TMEM236: variants seen among roughly 807,000 people sequenced by gnomAD.
The protein encoded by TMEM236 is transmembrane protein 236, also known as family with sequence similarity 23, member A.
A neutral mutation model predicts 14.7 loss-of-function variants in TMEM236; 11 were observed. That is an observed-to-expected ratio of 0.75 (90% confidence interval 0.47 to 1.24). The LOEUF is 1.24. Ranked by LOEUF, TMEM236 falls within the 50% of genes most tolerant of loss-of-function variation. TMEM236 has a pLI of 0.00. For synonymous variants in TMEM236, 182 were observed against 168.6 expected (o/e 1.08, Z -0.62); for missense variants, 464 against 427.3 (o/e 1.09, Z -0.76).
intron 3 of TMEM236, among the ~76,000 whole-genome samples, chr10:17,781,291 T>A (rs1367933895): frequency 6.6e-6 from 1 of 152,230 alleles, no homozygotes; most frequent in Non-Finnish European, 1.5e-5. Context: ...AAATAATTTC[T>A]TCTTAACTCC....
intron 1 of TMEM236, among the ~76,000 whole-genome samples, chr10:17,766,101 T>G (rs1170647417): frequency 6.6e-6 from 1 of 152,236 alleles, no homozygotes; most frequent in African/African-American, 2.4e-5. Flanking sequence ...ATGGATAGCC[T>G]GAGAATTTGT....
At chr10:17,767,037 G>T (rs1271618881) in intron 1 of TMEM236, among the ~76,000 whole-genome samples, 2 of 152,084 alleles carry the variant, frequency 1.3e-5, no homozygotes, top group African/African-American at 4.8e-5. Flanking sequence ...CCACCTTAAT[G>T]ATCTTATTTA....
At chr10:17,782,609 G>C (rs1025476294) in intron 3 of TMEM236, among the ~76,000 whole-genome samples, 1 of 152,006 alleles carries the variant, frequency 6.6e-6, no homozygotes, top group African/African-American at 2.4e-5. Flanking sequence ...GCACCACCAC[G>C]TCCCTCTAAT....
chr10:17,782,577 G>A (rs1051224697), intron 3 of TMEM236, among the ~76,000 whole-genome samples: 7 of 151,904 alleles, frequency 4.6e-5, no homozygotes, highest in Admixed American at 2.0e-4. Context: ...TCAGCCTCCC[G>A]AGTAGCTGGG....
At chr10:17,790,052 C>A (rs1027534568) in intron 3 of TMEM236, among the ~76,000 whole-genome samples, 6 of 151,612 alleles carry the variant, frequency 4.0e-5, no homozygotes, top group Admixed American at 1.3e-4. Context: ...AACAAAAAAA[C>A]AAAAAACGAA....
At chr10:17,788,197 A>G (rs973821624) in intron 3 of TMEM236, among the ~76,000 whole-genome samples, 8 of 150,738 alleles carry the variant, frequency 5.3e-5, no homozygotes, top group Admixed American at 5.3e-4. Flanking sequence ...ATATATCATT[A>G]TAAGTAACAT....
intron 1 of TMEM236, among the ~76,000 whole-genome samples, chr10:17,762,284 C>G (rs1206518108): frequency 1.3e-5 from 2 of 152,046 alleles, no homozygotes; most frequent in South Asian, 4.1e-4. Flanking sequence ...CCATTCCTAT[C>G]CCATGATTTC....
At chr10:17,795,117 A>T (rs1329651691) in intron 3 of TMEM236, among the ~76,000 whole-genome samples, 1 of 152,182 alleles carries the variant, frequency 6.6e-6, no homozygotes, top group Non-Finnish European at 1.5e-5. Flanking sequence ...AATCTCTGTA[A>T]GCCTCTTCTT....
intron 3 of TMEM236, among the ~76,000 whole-genome samples, chr10:17,776,513 A>C (rs905862982): frequency 6.6e-6 from 1 of 152,246 alleles, no homozygotes; most frequent in Admixed American, 6.5e-5. Context: ...CTTATGTTTA[A>C]ATGGATTAAT....
intron 1 of TMEM236, among the ~76,000 whole-genome samples, chr10:17,770,477 G>A (rs1182604547): frequency 1.3e-5 from 2 of 152,038 alleles, no homozygotes; most frequent in Admixed American, 6.6e-5. Context: ...TCTGCCTCCC[G>A]GGTTCACGCC....
chr10:17,768,729 G>C (rs1279113529), intron 1 of TMEM236, among the ~76,000 whole-genome samples: 1 of 130,776 alleles, frequency 7.6e-6, no homozygotes, highest in African/African-American at 3.7e-5. Flanking sequence ...TACAACTCAT[G>C]TGTGTGTGTG....
rs1837628979 is a variant in TMEM236 at position 17,774,645 on chromosome 10, T to C, written c.331-1384T>C. 6.6e-5 allele frequency among the ~76,000 whole-genome samples: 10 copies of C among 152,186 alleles called. No homozygotes were observed. In the South Asian group the frequency reaches 2.1e-3, roughly 32 times the overall value. On this transcript the variant is annotated intron_variant, in intron 2 of 3. Transcript: ENST00000377495. ...CAGAAGAGTAAATCTTCCTAGCTTA[T>C]TCTTTTTCTTCCAGAATTTCCTGCC... is the stretch of plus-strand genomic sequence containing the variant.
intron 1 of TMEM236, among the ~76,000 whole-genome samples, chr10:17,770,604 C>T (rs1837554391): frequency 6.6e-6 from 1 of 152,114 alleles, no homozygotes; most frequent in Admixed American, 6.5e-5. Flanking sequence ...AGGATGGTCT[C>T]GATCTCCTGA....
chr10:17,771,222 GAACAGGAACTGC>G (rs1837566115), intron 1 of TMEM236, 75 bp from the exon 2 acceptor site: 1 of 1,203,660 alleles, frequency 8.3e-7, no homozygotes, highest in African/African-American at 1.5e-5. Flanking sequence ...TAGATGAATG[GAACAGGAACTGC>G]AAAATTAGCA....
intron 3 of TMEM236, among the ~76,000 whole-genome samples, chr10:17,791,428 G>A (rs1024754800): frequency 2.8e-4 from 42 of 152,186 alleles, no homozygotes; most frequent in African/African-American, 9.6e-4. Flanking sequence ...ACTGTACTCC[G>A]GTCTGGGCAA....
At chr10:17,762,603 A>C (rs1161153154) in intron 1 of TMEM236, among the ~76,000 whole-genome samples, 1 of 79,080 alleles carries the variant, frequency 1.3e-5, no homozygotes, top group African/African-American at 9.0e-5. Context: ...ATATATATAT[A>C]TATATATATA....
intron 1 of TMEM236, among the ~76,000 whole-genome samples, chr10:17,753,710 C>A (rs1051864240): frequency 6.6e-6 from 1 of 152,244 alleles, no homozygotes; most frequent in Admixed American, 6.5e-5. Context: ...AACGAACATA[C>A]GGGTGCATGT....
At chr10:17,776,961 A>G (rs1180805804) in intron 3 of TMEM236, among the ~76,000 whole-genome samples, 3 of 152,090 alleles carry the variant, frequency 2.0e-5, no homozygotes, top group African/African-American at 7.2e-5. Context: ...AATTGGCAAT[A>G]TTTGTATGCT....
rs923063775 is a variant in TMEM236, at chr10:17,772,230, C to T, written c.330+849C>T. On this transcript the variant is annotated intron_variant, in intron 2 of 3. Coordinates refer to ENST00000377495, the MANE Select transcript of TMEM236 (RefSeq NM_001098844.3). ...CAAGTGTTGTGAGACAGGGCAGTAC[C>T]GAGTAATGTATGACATTAGAAATTA... 4.6e-5 allele frequency among the ~76,000 whole-genome samples: 7 copies of T among 152,180 alleles called. No homozygotes were observed. The South Asian group carries it at 8.3e-4, about 18-fold the overall frequency.
Sources: allele counts gnomAD v4.1 joint callset (sites outside exome capture counted in the v4.1 genomes callset), GRCh38; gene constraint gnomAD v4.1.1; transcripts MANE v1.5; gene names NCBI Gene and HGNC (gene_info 2026-07-23, HGNC 2026-07-21).